The following ZNF354B variants were observed in gnomAD, a reference collection of about 807,000 sequenced individuals.
The protein encoded by ZNF354B is zinc finger protein 354B.
A neutral mutation model predicts 12.9 loss-of-function variants in ZNF354B; 10 were observed. The observed-to-expected ratio is 0.77, with a 90% CI of 0.48 to 1.31. The LOEUF is 1.31. Ranked by LOEUF, ZNF354B falls within the 40% of genes most tolerant of loss-of-function variation. The pLI is 0.00. For synonymous variants in ZNF354B, 260 were observed against 243.7 expected, an observed-to-expected ratio of 1.07 and a Z score of -0.62; for missense variants, 614 against 711.7, an observed-to-expected ratio of 0.86 and a Z score of 1.56.
In ZNF354B at chr5:178,883,848, T is replaced by C; in HGVS notation, c.1396T>C (p.Cys466Arg). 3.1e-6 allele frequency: 5 copies of C among 1,614,076 alleles called. No individual in the cohort carries two copies. Among genetic ancestry groups the C allele is most frequent in the Non-Finnish European group, 4.2e-6 (5 of 1,179,978 alleles). ...HERIHTGEKP[C>R]KCKVCGKAFR... ...GCGAATTCATACTGGAGAAAAACCA[T>C]GTAAATGTAAAGTATGTGGAAAAGC... The change falls in exon 5 of 5, where the codon TGT becomes CGT. Residue 466 changes from cysteine to arginine, a missense_variant. Cys to Arg is a radical substitution (Grantham distance 180). Transcript: ENST00000322434.
In ZNF354B at chr5:178,884,303, C is replaced by T. The variant is rs1405016735; in HGVS notation, c.*12C>T. The T allele has an allele frequency of 4.5e-6, 7 of 1,554,488 alleles. No homozygotes were observed. The highest frequency in any genetic ancestry group is 5.2e-6 in the Non-Finnish European group (6 of 1,154,962). ...ATTTGCATGTGTGAAAGCCTTAAAC[C>T]AAAACTCATCAGAGAATACATGCTT... is the stretch of plus-strand genomic sequence containing the variant. On this transcript the variant is annotated 3_prime_UTR_variant, in exon 5 of 5. Coordinates refer to ENST00000322434, the MANE Select transcript of ZNF354B (RefSeq NM_058230.3).
intron 4 of ZNF354B, among the ~76,000 whole-genome samples, chr5:178,882,129 T>C (rs1287681199): frequency 1.3e-5 from 2 of 152,236 alleles, no homozygotes; most frequent in Admixed American, 6.5e-5. Context: ...TCATTTTTGC[T>C]TGAGTGTGTT....
At chr5:178,867,118 C>A (rs759249909) in intron 4 of ZNF354B, 47 bp downstream of exon 4, 59 of 1,534,472 alleles carry the variant, frequency 3.8e-5, no homozygotes, top group Non-Finnish European at 5.0e-5. Context: ...AGACAATGGT[C>A]TGGTTAATGA....
intron 4 of ZNF354B, among the ~76,000 whole-genome samples, chr5:178,869,587 A>C (rs969194512): frequency 2.6e-5 from 4 of 152,112 alleles, no homozygotes; most frequent in Non-Finnish European, 5.9e-5. Context: ...CTGATGGCTG[A>C]GTAAGTCTCC....
At chr5:178,863,965 A>G (rs1314058229) in intron 2 of ZNF354B, among the ~76,000 whole-genome samples, 2 of 152,284 alleles carry the variant, frequency 1.3e-5, no homozygotes, top group Admixed American at 6.5e-5. Flanking sequence ...CAATGTGTTT[A>G]AGATAAGTGT....
At chr5:178,879,028 T>G (rs1757680534) in intron 4 of ZNF354B, among the ~76,000 whole-genome samples, 1 of 151,366 alleles carries the variant, frequency 6.6e-6, no homozygotes, top group East Asian at 2.0e-4. Context: ...GTATATATTT[T>G]TTAGGACCTT....
chr5:178,884,293 A>G lies in ZNF354B; in HGVS notation c.*2A>G, dbSNP rs376195716. 1.3e-6 allele frequency: 2 copies of G among 1,572,364 alleles called. No individual in the cohort carries two copies. The highest frequency in any genetic ancestry group is 1.4e-5 in the African/African-American group (1 of 73,120). The stretch of plus-strand genomic sequence containing the variant: ...TTAAAAGCCGATTTGCATGTGTGAA[A>G]GCCTTAAACCAAAACTCATCAGAGA... On this transcript the variant is annotated 3_prime_UTR_variant, in exon 5 of 5. Coordinates refer to ENST00000322434, the MANE Select transcript of ZNF354B (RefSeq NM_058230.3).
In ZNF354B at chr5:178,884,051, A is replaced by G. The variant is rs181265340; in HGVS notation, c.1599A>G (p.Gln533=). ...TAGAATGTGGGATGTCTTTTGGCCA[A>G]AGTGCAGCTCTTATACAACATCAGA... ...RCLECGMSFG[Q]SAALIQHQRI... Residue 533 remains glutamine, a synonymous_variant, in exon 5 of 5, where the codon CAA becomes CAG. Coordinates refer to ENST00000322434, the MANE Select transcript of ZNF354B (RefSeq NM_058230.3). 1,066 of 1,614,114 alleles carry G rather than the reference A, an allele frequency of 6.6e-4. 13 individuals carry two copies. The Admixed American group carries it at 0.014, about 21-fold the overall frequency.
rs536455633 is a variant in ZNF354B, at chr5:178,867,561, A to G, written c.256+490A>G. On this transcript the variant is annotated intron_variant, in intron 4 of 4. Coordinates refer to ENST00000322434, the MANE Select transcript of ZNF354B (RefSeq NM_058230.3). ...TCTTAGAAAAGTTGGTGTGAATCAG[A>G]AACAGCTGAGTCTCCATCCGTGTAA... Among the ~76,000 whole-genome samples the G allele has an allele frequency of 2.0e-5, 3 of 152,330 alleles. No individual in the cohort carries two copies. The East Asian group carries it at 5.8e-4, about 29-fold the overall frequency.
At chr5:178,860,280 C>A (rs1757325308) in intron 1 of ZNF354B, among the ~76,000 whole-genome samples, 153 bp downstream of exon 1, 1 of 151,934 alleles carries the variant, frequency 6.6e-6, no homozygotes, top group African/African-American at 2.4e-5. Flanking sequence ...TCGCCCCTCA[C>A]GGGCCGCTCC....
chr5:178,883,754 A>G lies in ZNF354B; in HGVS notation c.1302A>G (p.Gly434=). Reference sequence around the variant, plus strand: ...ATAGACACCGAATAATTCATACTGGAGAGAAATTGTATAATTGTAATGAAT... The same window carrying G: ...ATAGACACCGAATAATTCATACTGGGGAGAAATTGTATAATTGTAATGAAT... ...RLNRHRIIHT[G]EKLYNCNECG... Residue 434 remains glycine, a synonymous_variant, in exon 5 of 5, where the codon GGA becomes GGG. Transcript: ENST00000322434. The G allele has an allele frequency of 6.2e-7, 1 of 1,614,176 alleles. No individual in the cohort carries two copies. Among genetic ancestry groups the G allele is most frequent in the Non-Finnish European group, 8.5e-7 (1 of 1,180,004 alleles).
At chr5:178,862,851 C>T (rs921441003) in intron 2 of ZNF354B, among the ~76,000 whole-genome samples, 23 of 152,286 alleles carry the variant, frequency 1.5e-4, no homozygotes, top group African/African-American at 5.5e-4. Flanking sequence ...TCTGTGGCAT[C>T]CTTCCTGTCT....
intron 4 of ZNF354B, among the ~76,000 whole-genome samples, chr5:178,870,264 A>G (rs1465293163): frequency 6.6e-6 from 1 of 152,202 alleles, no homozygotes; most frequent in African/African-American, 2.4e-5. Context: ...AGTAGCCTCA[A>G]AATATACTTG....
At chr5:178,867,278 T>C (rs1021810026) in intron 4 of ZNF354B, among the ~76,000 whole-genome samples, 14 of 152,216 alleles carry the variant, frequency 9.2e-5, no homozygotes, top group African/African-American at 3.1e-4. Flanking sequence ...TCTTACTCTT[T>C]CCTGTTGTTT....
intron 4 of ZNF354B, among the ~76,000 whole-genome samples, chr5:178,879,955 G>A (rs1397172415): frequency 6.6e-6 from 1 of 151,634 alleles, no homozygotes; most frequent in East Asian, 2.0e-4. Flanking sequence ...GCAAAACCCC[G>A]TCTCTACTAA....
At chr5:178,879,987 G>A (rs868759590) in intron 4 of ZNF354B, among the ~76,000 whole-genome samples, 124 of 146,352 alleles carry the variant, frequency 8.5e-4, no homozygotes, top group Middle Eastern at 3.4e-3. Context: ...TTAGCTGGGC[G>A]TGGTGGCATG....
chr5:178,869,676 G>A (rs1048455935), intron 4 of ZNF354B, among the ~76,000 whole-genome samples: 1 of 152,182 alleles, frequency 6.6e-6, no homozygotes, highest in Admixed American at 6.5e-5. Context: ...ACCTGATAGT[G>A]TTGTCAGTCA....
Position 178,883,004 on chromosome 5 carries a change from T to TC in ZNF354B, c.554dup (p.Ser186IlefsTer4). On this transcript the variant is annotated frameshift_variant, in exon 5 of 5. Transcript: ENST00000322434. LOFTEE classifies it low-confidence loss of function (END_TRUNC). ...AACAGAGATTTGCTAAAGAAAAAAC[T>TC]CCATCAAAATGTGAAATACAAAGAA... The TC allele has an allele frequency of 6.2e-7, 1 of 1,607,240 alleles. No homozygotes were observed. The highest frequency in any genetic ancestry group is 8.5e-7 in the Non-Finnish European group (1 of 1,178,432).
chr5:178,881,212 AT>A (rs1561671225), intron 4 of ZNF354B, among the ~76,000 whole-genome samples: 1 of 152,098 alleles, frequency 6.6e-6, no homozygotes, highest in African/African-American at 2.4e-5. Flanking sequence ...TCATTTGTCA[AT>A]GTCTTGAAAG....
Sources: allele counts gnomAD v4.1 joint callset (sites outside exome capture counted in the v4.1 genomes callset), GRCh38; gene constraint gnomAD v4.1.1; transcripts MANE v1.5; gene names NCBI Gene and HGNC (gene_info 2026-07-23, HGNC 2026-07-21).